The following PSMD1 variants were observed in gnomAD, a reference collection of about 807,000 sequenced individuals.
The protein encoded by PSMD1 is 26S proteasome non-ATPase regulatory subunit 1.
A neutral mutation model predicts 119.0 loss-of-function variants in PSMD1; 18 were observed. The observed-to-expected ratio is 0.15, with a 90% CI of 0.10 to 0.22. The LOEUF is 0.22. Among genes scored for constraint, PSMD1 ranks in the 10% least tolerant of loss-of-function variants. The probability of loss-of-function intolerance (pLI) is 1.00; values close to 1 mark genes in which losing one functional copy is unlikely to be tolerated. For missense variants in PSMD1, 702 were observed against 1,158.5 expected, an observed-to-expected ratio of 0.61 and a Z score of 5.72; for synonymous variants, 374 against 396.6, an observed-to-expected ratio of 0.94 and a Z score of 0.68.
intron 17 of PSMD1, among the ~76,000 whole-genome samples, chr2:231,141,036 G>A (rs1047282485): frequency 1.5e-4 from 23 of 151,350 alleles, no homozygotes; most frequent in African/African-American, 3.9e-4. Context: ...TGCTGGGCGC[G>A]GTGGCTCACA....
chr2:231,066,852 T>C, intron 4 of PSMD1, 54 bp from the exon 5 acceptor site: 1 of 1,405,986 alleles, frequency 7.1e-7, no homozygotes, highest in Non-Finnish European at 9.6e-7. Flanking sequence ...CATTGCCCTT[T>C]CTGATAGTTT....
intron 19 of PSMD1, among the ~76,000 whole-genome samples, chr2:231,160,486 T>A (rs1256691486): frequency 6.6e-6 from 1 of 152,104 alleles, no homozygotes; most frequent in Non-Finnish European, 1.5e-5. Flanking sequence ...AGACCAAGAG[T>A]CAGAACATAT....
At chr2:231,076,206 G>T (rs1694161428) in intron 8 of PSMD1, among the ~76,000 whole-genome samples, 1 of 152,190 alleles carries the variant, frequency 6.6e-6, no homozygotes, top group Non-Finnish European at 1.5e-5. Flanking sequence ...CAACATATAT[G>T]GGAGGGAGGC....
intron 2 of PSMD1, 100 bp downstream of exon 2, chr2:231,061,410 C>A: frequency 9.6e-7 from 1 of 1,042,394 alleles, no homozygotes; most frequent in Non-Finnish European, 1.4e-6. Context: ...AGTTGCTGTC[C>A]TAGCTGGCTT....
intron 15 of PSMD1, among the ~76,000 whole-genome samples, chr2:231,086,896 A>G (rs1378089187): frequency 6.6e-6 from 1 of 152,198 alleles, no homozygotes; most frequent in African/African-American, 2.4e-5. Flanking sequence ...TGGGCAACAT[A>G]GGGAGACCCT....
rs539039682 is a variant in PSMD1, at chr2:231,112,914, C to T, written c.1883+25733C>T. On this transcript the variant is annotated intron_variant, in intron 16 of 24. Transcript: ENST00000308696. ...GTGCAGTGACTCACGCCTGTAATCCCAGCACTTTGGGAGGCTGGGGCAGGG... is the reference window on the plus strand; with the variant it reads ...GTGCAGTGACTCACGCCTGTAATCCTAGCACTTTGGGAGGCTGGGGCAGGG... Among the ~76,000 whole-genome samples the T allele has an allele frequency of 4.6e-5, 7 of 152,242 alleles. No homozygotes were observed. The East Asian group carries it at 1.4e-3, about 29-fold the overall frequency.
At chr2:231,095,700 A>T (rs1342963513) in intron 16 of PSMD1, among the ~76,000 whole-genome samples, 1 of 152,126 alleles carries the variant, frequency 6.6e-6, no homozygotes, top group Admixed American at 6.5e-5. Context: ...CTGCAAGGGG[A>T]ATAGTATAAA....
intron 2 of PSMD1, among the ~76,000 whole-genome samples, chr2:231,061,596 G>A (rs897892407): frequency 2.0e-5 from 3 of 151,014 alleles, no homozygotes; most frequent in Admixed American, 1.3e-4. Context: ...ACAGAGTCTC[G>A]CTTTATCACC....
At chr2:231,096,511 T>A (rs983590358) in intron 16 of PSMD1, among the ~76,000 whole-genome samples, 2 of 152,246 alleles carry the variant, frequency 1.3e-5, no homozygotes, top group African/African-American at 4.8e-5. Context: ...TTCTCCCAAC[T>A]GGTTTCCAGA....
intron 16 of PSMD1, among the ~76,000 whole-genome samples, chr2:231,117,993 G>A (rs1410671754): frequency 6.6e-6 from 1 of 152,072 alleles, no homozygotes; most frequent in African/African-American, 2.4e-5. Flanking sequence ...TGAGAAAGCG[G>A]AATAATAAAG....
chr2:231,134,123 T>TAA (rs766825050), intron 16 of PSMD1, among the ~76,000 whole-genome samples: 18 of 152,346 alleles, frequency 1.2e-4, no homozygotes, highest in Non-Finnish European at 2.5e-4. Flanking sequence ...AGTTTTTACT[T>TAA]ACTGCTGCCT....
intron 16 of PSMD1, among the ~76,000 whole-genome samples, chr2:231,104,673 A>T (rs1347420006): frequency 6.6e-6 from 1 of 152,136 alleles, no homozygotes; most frequent in Non-Finnish European, 1.5e-5. Context: ...AAATTTCCCC[A>T]CTGTCATAAA....
intron 20 of PSMD1, 79 bp from the exon 21 acceptor site, chr2:231,163,556 T>C: frequency 6.1e-6 from 6 of 982,534 alleles, no homozygotes; most frequent in Non-Finnish European, 9.4e-6. Flanking sequence ...ATTAAAACTT[T>C]GGTCTCCTTT....
At chr2:231,091,384 TC>T (rs1206269448) in intron 16 of PSMD1, among the ~76,000 whole-genome samples, 1 of 152,206 alleles carries the variant, frequency 6.6e-6, no homozygotes, top group Admixed American at 6.5e-5. Flanking sequence ...TTGCAAAACC[TC>T]CCGGCCTTCC....
In PSMD1 at chr2:231,082,868, A is replaced by C; in HGVS notation, c.1414-15A>C. The C allele has an allele frequency of 6.3e-7, 1 of 1,591,002 alleles. No homozygotes were observed. Among genetic ancestry groups the C allele is most frequent in the Non-Finnish European group, 8.6e-7 (1 of 1,159,726 alleles). On this transcript the variant is annotated splice_polypyrimidine_tract_variant and intron_variant, in intron 12 of 24. Coordinates refer to ENST00000308696, the MANE Select transcript of PSMD1 (RefSeq NM_002807.4). ...ACAGTGTACCAAATCAATGGAATCT[A>C]TGTTTTTTCCTTAGATCGTTAGACA... is the stretch of plus-strand genomic sequence containing the variant.
chr2:231,102,394 C>T (rs1282797962), intron 16 of PSMD1, among the ~76,000 whole-genome samples: 7 of 152,126 alleles, frequency 4.6e-5, no homozygotes, highest in East Asian at 1.9e-4. Context: ...CTTACACTGT[C>T]GAAAATTCAC....
At chr2:231,136,798 A>G (rs951886822) in intron 16 of PSMD1, among the ~76,000 whole-genome samples, 8 of 151,600 alleles carry the variant, frequency 5.3e-5, no homozygotes, top group African/African-American at 4.9e-5. Context: ...AATTCTTCCA[A>G]TACTTTCAAA....
rs749886272 is a variant in PSMD1, at chr2:231,172,572, C to T, written c.*47C>T. Reference sequence around the variant, plus strand: ...TTATCTGAAGAAGATTGTCCAGGCTCATATTGGGAATGCTTATGAGGAAAT... The same window carrying T: ...TTATCTGAAGAAGATTGTCCAGGCTTATATTGGGAATGCTTATGAGGAAAT... On this transcript the variant is annotated 3_prime_UTR_variant, in exon 25 of 25. Transcript: ENST00000308696. The T allele has an allele frequency of 3.3e-5, 5 of 152,186 alleles. No individual in the cohort carries two copies. Among genetic ancestry groups the T allele is most frequent in the African/African-American group, 7.2e-5 (3 of 41,440 alleles). 9.4% of individuals were successfully genotyped at this position (152,186 alleles called of 1,614,324 possible). A position where few individuals can be genotyped will look rare whatever the true frequency, so the allele number is the denominator to read the frequency against.
chr2:231,125,121 T>C (rs908940214), intron 16 of PSMD1: 10 of 152,206 alleles, frequency 6.6e-5, no homozygotes, highest in Non-Finnish European at 1.3e-4. Context: ...GTTGTATAGC[T>C]GCAAGCATGC....
Sources: allele counts gnomAD v4.1 joint callset (sites outside exome capture counted in the v4.1 genomes callset), GRCh38; gene constraint gnomAD v4.1.1; transcripts MANE v1.5; gene names NCBI Gene and HGNC (gene_info 2026-07-23, HGNC 2026-07-21).